TASP1: variants seen among roughly 807,000 people sequenced by gnomAD.
TASP1 encodes threonine aspartase 1.
TASP1 carries 16 observed loss-of-function variants against 56.6 expected under a neutral mutation model. The observed-to-expected ratio is 0.28, with a 90% CI of 0.19 to 0.43. The LOEUF is 0.43. Ranked by LOEUF, TASP1 falls within the 20% of genes least tolerant of loss-of-function variation. TASP1 has a pLI of 1.00. For synonymous variants in TASP1, 179 were observed against 184.2 expected (o/e 0.97, Z 0.23); for missense variants, 393 against 511.6 (o/e 0.77, Z 2.24).
intron 4 of TASP1, among the ~76,000 whole-genome samples, chr20:13,593,809 G>A (rs1450031763): frequency 6.6e-6 from 1 of 152,184 alleles, no homozygotes; most frequent in African/African-American, 2.4e-5. Context: ...AACTTCTGCA[G>A]ACTTAAACGT....
chr20:13,486,647 T>C (rs2043327144), intron 10 of TASP1, among the ~76,000 whole-genome samples: 1 of 152,106 alleles, frequency 6.6e-6, no homozygotes, highest in African/African-American at 2.4e-5. Context: ...ATTAATAGAA[T>C]TGGAATATAA....
chr20:13,109,303 CT>C, the TASP1 span, among the ~76,000 whole-genome samples: 1 of 152,232 alleles, frequency 6.6e-6, no homozygotes, highest in African/African-American at 2.4e-5. Context: ...GGGACAATGG[CT>C]TTCACATAAG....
the TASP1 span, among the ~76,000 whole-genome samples, chr20:13,173,831 A>G: frequency 6.6e-6 from 1 of 152,206 alleles, no homozygotes; most frequent in Non-Finnish European, 1.5e-5. Flanking sequence ...TCACAGGGTA[A>G]TAGCCTGGAG....
At chr20:13,432,822 A>G (rs1430864850) in intron 12 of TASP1, among the ~76,000 whole-genome samples, 1 of 152,136 alleles carries the variant, frequency 6.6e-6, no homozygotes, top group Non-Finnish European at 1.5e-5. Context: ...CCAAAAAGAC[A>G]TTACAGTTTT....
chr20:13,393,192 T>C, intron 13 of TASP1: 1 of 704,088 alleles, frequency 1.4e-6, no homozygotes, highest in East Asian at 2.9e-5. Context: ...CATGGAAGGA[T>C]TCATGACCAC....
the TASP1 span, among the ~76,000 whole-genome samples, chr20:13,346,415 T>TGGGAATC: frequency 5.3e-5 from 8 of 152,324 alleles, no homozygotes; most frequent in Admixed American, 3.3e-4. Context: ...CTGGGAACCT[T>TGGGAATC]GGGAATCAGC....
At chr20:13,634,412 G>A (rs1264412717) in intron 1 of TASP1, among the ~76,000 whole-genome samples, 1 of 152,124 alleles carries the variant, frequency 6.6e-6, no homozygotes, top group Non-Finnish European at 1.5e-5. Flanking sequence ...CTGCTACTGG[G>A]AGCACTTTCT....
the TASP1 span, among the ~76,000 whole-genome samples, chr20:13,111,936 G>A: frequency 6.6e-6 from 1 of 152,148 alleles, no homozygotes; most frequent in African/African-American, 2.4e-5. Flanking sequence ...CTTCTTAGTG[G>A]CCATGCCAGG....
chr20:13,235,274 A>G, the TASP1 span, among the ~76,000 whole-genome samples: 1 of 152,174 alleles, frequency 6.6e-6, no homozygotes, highest in East Asian at 1.9e-4. Flanking sequence ...TGGTGATGGG[A>G]TTACACATCA....
At chr20:13,523,206 T>C (rs763650262) in intron 10 of TASP1, among the ~76,000 whole-genome samples, 21 of 152,118 alleles carry the variant, frequency 1.4e-4, no homozygotes, top group Non-Finnish European at 2.8e-4. Flanking sequence ...ACTGGAACCC[T>C]AGGTGATTTG....
intron 8 of TASP1, among the ~76,000 whole-genome samples, chr20:13,546,771 T>G (rs987761162): frequency 6.6e-6 from 1 of 152,168 alleles, no homozygotes; most frequent in East Asian, 1.9e-4. Flanking sequence ...CAGTGGAGAT[T>G]GTGGGCTGTT....
the TASP1 span, chr20:13,300,686 T>C: frequency 6.6e-6 from 1 of 152,178 alleles, no homozygotes; most frequent in Admixed American, 6.5e-5. Flanking sequence ...ACAAATGCCA[T>C]AAATAGCCCG....
chr20:13,393,301 CTACTGG>C (rs1311310533), intron 13 of TASP1: 2 of 754,972 alleles, frequency 2.6e-6, no homozygotes, highest in African/African-American at 3.4e-5. Context: ...ATCCCTGCAT[CTACTGG>C]CACTGCCAAG....
intron 4 of TASP1, among the ~76,000 whole-genome samples, chr20:13,598,202 A>G (rs2047817879): frequency 6.6e-6 from 1 of 152,170 alleles, no homozygotes; most frequent in Non-Finnish European, 1.5e-5. Flanking sequence ...ATATGGAACC[A>G]AAAAAAGAGC....
At position 13,630,951 on chromosome 20, in the gene TASP1, T is replaced by C. The variant is rs535937491; in HGVS notation, c.-74-799A>G. On this transcript the variant is annotated intron_variant, in intron 1 of 13. Coordinates refer to ENST00000337743, the MANE Select transcript of TASP1 (RefSeq NM_017714.3). ...CTCATGTTATTTTTTAAAACAATTT[T>C]ATCTGCTAAATCAAGCAAAAATTTG... Among the ~76,000 whole-genome samples the C allele has an allele frequency of 2.0e-5, 3 of 152,232 alleles. No homozygotes were observed. In the South Asian group the frequency reaches 6.2e-4, roughly 32 times the overall value.
At chr20:13,465,178 CAAAAAAAAAAA>C (rs771255579) in intron 11 of TASP1, among the ~76,000 whole-genome samples, 1 of 57,250 alleles carries the variant, frequency 1.7e-5, no homozygotes, top group Non-Finnish European at 3.5e-5. Context: ...TTCTCTCTCC[CAAAAAAAAAAA>C]AAAAAAAAAA....
chr20:13,630,274 C>A (rs6033778), intron 1 of TASP1, 122 bp from the exon 2 acceptor site: 4 of 522,042 alleles, frequency 7.7e-6, no homozygotes, highest in African/African-American at 2.0e-5. Context: ...TTGAGCAATA[C>A]AAAAAAGGTA....
At chr20:13,569,413 T>C (rs2046639764) in intron 7 of TASP1, 94 bp downstream of exon 7, 6 of 892,806 alleles carry the variant, frequency 6.7e-6, no homozygotes, top group South Asian at 2.0e-5. Flanking sequence ...TATTCTTCCA[T>C]AAATATCTGT....
intron 8 of TASP1, 68 bp from the exon 9 acceptor site, chr20:13,534,209 C>G (rs1489697362): frequency 4.5e-6 from 7 of 1,559,212 alleles, no homozygotes; most frequent in Non-Finnish European, 5.2e-6. Context: ...GACTACATAG[C>G]ACTTTTCCAT....
Sources: gnomAD v4.1 joint callset for allele counts (sites outside exome capture counted in the v4.1 genomes callset) on GRCh38, gnomAD v4.1.1 for gene constraint, MANE v1.5 for transcripts, NCBI Gene and HGNC (gene_info 2026-07-23, HGNC 2026-07-21) for gene names.